Variants in CDH13 observed in about 807,000 individuals in gnomAD.
The protein encoded by CDH13 is cadherin 13.
Under a neutral mutation model 63.8 loss-of-function variants are expected in CDH13, and 24 were observed. The observed-to-expected ratio is 0.38, with a 90% CI of 0.27 to 0.53. CDH13 has a LOEUF of 0.53. Among genes scored for constraint, CDH13 ranks in the 20% least tolerant of loss-of-function variants. CDH13 has a pLI of 0.85. For synonymous variants in CDH13, 503 were observed against 355.3 expected (o/e 1.42, Z -4.67); for missense variants, 1,049 against 903.1 (o/e 1.16, Z -2.07).
intron 4 of CDH13, among the ~76,000 whole-genome samples, chr16:83,199,127 C>G (rs1187131094): frequency 6.6e-6 from 1 of 152,228 alleles, no homozygotes; most frequent in Non-Finnish European, 1.5e-5. Context: ...GGTGCTGGAG[C>G]TGGGCTTGGA....
At chr16:83,039,939 C>T (rs1389310722) in intron 3 of CDH13, among the ~76,000 whole-genome samples, 1 of 151,978 alleles carries the variant, frequency 6.6e-6, no homozygotes, top group Non-Finnish European at 1.5e-5. Flanking sequence ...TCTGAATATC[C>T]CCCAGCTGGC....
intron 2 of CDH13, among the ~76,000 whole-genome samples, chr16:82,887,383 G>A (rs1249095909): frequency 6.6e-6 from 1 of 152,212 alleles, no homozygotes; most frequent in Non-Finnish European, 1.5e-5. Context: ...TGTTGTTAAT[G>A]AGAAAGAGTC....
chr16:82,871,716 TCA>T (rs1293357686), intron 2 of CDH13, among the ~76,000 whole-genome samples: 10 of 152,164 alleles, frequency 6.6e-5, no homozygotes, highest in Non-Finnish European at 1.2e-4. Context: ...ATTGAAAATT[TCA>T]CAGTGTGAGT....
At chr16:83,705,338 G>T (rs1906855968) in intron 10 of CDH13, among the ~76,000 whole-genome samples, 1 of 152,152 alleles carries the variant, frequency 6.6e-6, no homozygotes, top group Non-Finnish European at 1.5e-5. Context: ...AAAAGAAAAA[G>T]AAGCCCGGGC....
Position 83,795,726 on chromosome 16 carries a change from A to T in CDH13, c.*696A>T, listed in dbSNP as rs554363688. The stretch of plus-strand genomic sequence containing the variant: ...ATTTACACTGCCATCTGATGCCGTG[A>T]TCCTGAGCCAAGGAGGTGAGGAGCA... On this transcript the variant is annotated 3_prime_UTR_variant, in exon 14 of 14. Coordinates refer to ENST00000567109, the MANE Select transcript of CDH13 (RefSeq NM_001257.5). 1.9e-4 allele frequency: 29 copies of T among 152,430 alleles called. No individual in the cohort carries two copies. The highest frequency in any genetic ancestry group is 6.7e-4 in the African/African-American group (28 of 41,552). 9.4% of individuals were successfully genotyped at this position (152,430 alleles called of 1,614,324 possible).
chr16:83,025,142 C>T (rs534901487), intron 2 of CDH13, among the ~76,000 whole-genome samples: 2 of 152,322 alleles, frequency 1.3e-5, no homozygotes, highest in African/African-American at 4.8e-5. Flanking sequence ...ATTCATGGAG[C>T]AACAAGCTCT....
At chr16:83,567,365 G>C (rs577029994) in intron 7 of CDH13, among the ~76,000 whole-genome samples, 3 of 152,150 alleles carry the variant, frequency 2.0e-5, no homozygotes, top group Non-Finnish European at 4.4e-5. Flanking sequence ...AGATGAATGA[G>C]TGCCCCCTTG....
chr16:83,500,496 T>C (rs1488642161), intron 7 of CDH13, among the ~76,000 whole-genome samples: 1 of 286 alleles, frequency 3.5e-3, no homozygotes, highest in Non-Finnish European at 7.1e-3. Context: ...TCCCTCCTCC[T>C]CCCCCTCCCC....
intron 2 of CDH13, among the ~76,000 whole-genome samples, chr16:82,986,282 A>G (rs1910927622): frequency 6.6e-6 from 1 of 152,208 alleles, no homozygotes. Flanking sequence ...AGTGAGCCCC[A>G]GAACTGGCTC....
chr16:83,728,498 T>C (rs1910691870), intron 10 of CDH13, among the ~76,000 whole-genome samples: 1 of 152,176 alleles, frequency 6.6e-6, no homozygotes. Flanking sequence ...AGAACTACAT[T>C]AAAGCTTCTG....
intron 2 of CDH13, among the ~76,000 whole-genome samples, chr16:83,019,609 C>T (rs1210943294): frequency 6.6e-6 from 1 of 151,190 alleles, no homozygotes; most frequent in Non-Finnish European, 1.5e-5. Context: ...GATCCTCCTG[C>T]CCAAGCATCC....
At chr16:83,100,137 G>A (rs912952005) in intron 3 of CDH13, among the ~76,000 whole-genome samples, 1 of 152,052 alleles carries the variant, frequency 6.6e-6, no homozygotes, top group South Asian at 2.1e-4. Flanking sequence ...GACACACCAG[G>A]TGCCAAGGAC....
intron 2 of CDH13, among the ~76,000 whole-genome samples, chr16:83,021,435 C>T (rs1043974377): frequency 6.6e-6 from 1 of 152,206 alleles, no homozygotes; most frequent in Admixed American, 6.5e-5. Context: ...AAGAGGAGAA[C>T]GTAAGACTGA....
intron 5 of CDH13, among the ~76,000 whole-genome samples, chr16:83,249,183 C>A (rs902363315): frequency 6.6e-5 from 10 of 152,200 alleles, no homozygotes; most frequent in Non-Finnish European, 1.3e-4. Flanking sequence ...TCACACAGAG[C>A]CTGTTTCTCA....
chr16:83,457,209 C>G (rs1374209724), intron 6 of CDH13, among the ~76,000 whole-genome samples: 2 of 152,154 alleles, frequency 1.3e-5, no homozygotes, highest in Non-Finnish European at 2.9e-5. Flanking sequence ...AGCACTGACA[C>G]CTTACGGTTG....
In CDH13 at chr16:82,897,863, C is replaced by T. The variant is rs1597165887; in HGVS notation, c.157+39390C>T. ...CTTTATTCATTCATTTATCATTGGCCATTTATTCATTGTTCACTAGTCGGC... is the reference window on the plus strand; with the variant it reads ...CTTTATTCATTCATTTATCATTGGCTATTTATTCATTGTTCACTAGTCGGC... On this transcript the variant is annotated intron_variant, in intron 2 of 13. Transcript: ENST00000567109. Among the ~76,000 whole-genome samples the T allele has an allele frequency of 2.6e-5, 4 of 152,160 alleles. No homozygotes were observed. The South Asian group carries it at 6.2e-4, about 24-fold the overall frequency.
chr16:83,006,672 C>A (rs1416021277), intron 2 of CDH13, among the ~76,000 whole-genome samples: 1 of 152,142 alleles, frequency 6.6e-6, no homozygotes, highest in Admixed American at 6.5e-5. Flanking sequence ...TGAGCTGTAC[C>A]TCCAACAGAG....
intron 2 of CDH13, among the ~76,000 whole-genome samples, chr16:82,947,761 T>C (rs1484569331): frequency 6.6e-6 from 1 of 152,212 alleles, no homozygotes; most frequent in African/African-American, 2.4e-5. Context: ...TTTCCAGGCT[T>C]AGAGTTTATC....
At chr16:82,985,315 G>A (rs551232899) in intron 2 of CDH13, among the ~76,000 whole-genome samples, 32 of 152,240 alleles carry the variant, frequency 2.1e-4, no homozygotes, top group African/African-American at 7.5e-4. Flanking sequence ...AAATTAGAGG[G>A]CTGATTCATC....
Sources: gnomAD v4.1 joint callset for allele counts (sites outside exome capture counted in the v4.1 genomes callset) on GRCh38, gnomAD v4.1.1 for gene constraint, MANE v1.5 for transcripts, NCBI Gene and HGNC (gene_info 2026-07-23, HGNC 2026-07-21) for gene names.